TMEM117: variants seen among roughly 807,000 people sequenced by gnomAD.
TMEM117 encodes transmembrane protein 117.
A neutral mutation model predicts 52.4 loss-of-function variants in TMEM117; 27 were observed. That is an observed-to-expected ratio of 0.51 (90% CI 0.38 to 0.71). The LOEUF (loss-of-function observed/expected upper bound fraction) is 0.71, where lower values mean the gene tolerates loss of function less well. TMEM117 is among the 30% of genes least tolerant of loss of function. TMEM117 has a pLI of 0.00. For synonymous variants in TMEM117, 215 were observed against 206.3 expected (o/e 1.04, Z -0.36); for missense variants, 556 against 630.5 (o/e 0.88, Z 1.26).
intron 6 of TMEM117, among the ~76,000 whole-genome samples, chr12:44,318,623 A>G (rs1471113809): frequency 6.6e-6 from 1 of 152,176 alleles, no homozygotes; most frequent in African/African-American, 2.4e-5. Context: ...CTGGTAATCC[A>G]GAAGAGCAGG....
rs554854737 is a variant in TMEM117, at chr12:43,901,765, A to G, written c.278-42445A>G. ...GATGAAGCACCTGAAGGCATTTTTA[A>G]GGTCTCTATTTCAAAAAGAAAGGAA... On this transcript the variant is annotated intron_variant, in intron 2 of 7. Coordinates refer to ENST00000266534, the MANE Select transcript of TMEM117 (RefSeq NM_032256.3). Among the ~76,000 whole-genome samples the G allele has an allele frequency of 1.1e-4, 16 of 152,332 alleles. No homozygotes were observed. In the South Asian group the frequency reaches 3.3e-3, roughly 32 times the overall value.
chr12:44,211,481 T>C (rs1475265482), intron 5 of TMEM117, 94 bp downstream of exon 5: 5 of 812,444 alleles, frequency 6.2e-6, no homozygotes, highest in African/African-American at 1.8e-5. Context: ...TAGAATTCTA[T>C]CTAGAGGGAC....
At chr12:44,211,976 C>T (rs76529886) in intron 5 of TMEM117, among the ~76,000 whole-genome samples, 5 of 152,168 alleles carry the variant, frequency 3.3e-5, no homozygotes, top group African/African-American at 4.8e-5. Flanking sequence ...GGCACTTTCA[C>T]GTGGCTGTGG....
At chr12:44,332,476 G>T (rs545282370) in intron 6 of TMEM117, among the ~76,000 whole-genome samples, 2 of 152,050 alleles carry the variant, frequency 1.3e-5, no homozygotes, top group East Asian at 3.9e-4. Flanking sequence ...ATAATAATAT[G>T]ACCACTGATA....
the TMEM117 span, chr12:43,805,570 T>TA: frequency 1.6e-3 from 747 of 462,076 alleles, 4 homozygotes; most frequent in African/African-American, 0.014. Context: ...AGGTCAGATA[T>TA]AACTGCATAT....
At chr12:44,100,606 G>T (rs1947844947) in intron 3 of TMEM117, among the ~76,000 whole-genome samples, 1 of 151,964 alleles carries the variant, frequency 6.6e-6, no homozygotes, top group Non-Finnish European at 1.5e-5. Context: ...TCTTTTGTCT[G>T]TAACATCCCC....
chr12:43,835,273 G>T (rs1943008847), upstream of TMEM117, among the ~76,000 whole-genome samples: 1 of 152,190 alleles, frequency 6.6e-6, no homozygotes. Context: ...CCTGCCCTAT[G>T]CCGCAGAGGT....
At chr12:43,872,165 G>A (rs187166114) in intron 2 of TMEM117, among the ~76,000 whole-genome samples, 1 of 152,264 alleles carries the variant, frequency 6.6e-6, no homozygotes, top group Admixed American at 6.5e-5. Flanking sequence ...GTCTATTCCT[G>A]CCTTTTTAGC....
At chr12:44,168,335 T>C (rs1184776386) in intron 4 of TMEM117, among the ~76,000 whole-genome samples, 1 of 152,060 alleles carries the variant, frequency 6.6e-6, no homozygotes, top group Non-Finnish European at 1.5e-5. Context: ...CTCCCCCAAA[T>C]ATTGTTTTAT....
chr12:43,946,149 A>G (rs1000720277), intron 3 of TMEM117, among the ~76,000 whole-genome samples: 1 of 152,184 alleles, frequency 6.6e-6, no homozygotes, highest in South Asian at 2.1e-4. Context: ...TAGTCAGAAT[A>G]TGTCTCAGCC....
chr12:43,861,099 C>T (rs1943481232), intron 2 of TMEM117, among the ~76,000 whole-genome samples: 1 of 152,132 alleles, frequency 6.6e-6, no homozygotes, highest in Non-Finnish European at 1.5e-5. Context: ...CTTCTCTGTG[C>T]CTGTTCCCCA....
At chr12:44,299,764 T>G (rs1225953866) in intron 6 of TMEM117, 25 bp downstream of exon 6, 1 of 1,612,794 alleles carries the variant, frequency 6.2e-7, no homozygotes, top group African/African-American at 1.3e-5. Flanking sequence ...CTCCCCTCAG[T>G]GAAGCTGCTG....
chr12:44,056,917 G>T (rs1275060572), intron 3 of TMEM117, among the ~76,000 whole-genome samples: 1 of 152,150 alleles, frequency 6.6e-6, no homozygotes, highest in Non-Finnish European at 1.5e-5. Context: ...GAACAGATGT[G>T]AGCAGGCACC....
At chr12:44,055,760 T>C (rs1947044811) in intron 3 of TMEM117, among the ~76,000 whole-genome samples, 1 of 152,232 alleles carries the variant, frequency 6.6e-6, no homozygotes, top group Admixed American at 6.5e-5. Context: ...GAATAAGATA[T>C]ACACAGTCTC....
intron 3 of TMEM117, among the ~76,000 whole-genome samples, chr12:44,034,859 G>A (rs1370098922): frequency 6.6e-6 from 1 of 152,136 alleles, no homozygotes; most frequent in African/African-American, 2.4e-5. Flanking sequence ...TGAATCAGTG[G>A]ACTCAGTAAA....
chr12:43,911,945 C>T (rs1169189277), intron 2 of TMEM117, among the ~76,000 whole-genome samples: 2 of 125,576 alleles, frequency 1.6e-5, no homozygotes, highest in Non-Finnish European at 3.5e-5. Context: ...GTGGCGATTC[C>T]TCAGGGATCT....
At chr12:44,292,889 A>T (rs1287690343) in intron 5 of TMEM117, among the ~76,000 whole-genome samples, 1 of 152,042 alleles carries the variant, frequency 6.6e-6, no homozygotes. Flanking sequence ...GCTGGAGAAG[A>T]AGGTTCATTT....
chr12:43,849,449 C>T (rs1943267866), intron 2 of TMEM117, among the ~76,000 whole-genome samples: 1 of 152,168 alleles, frequency 6.6e-6, no homozygotes, highest in African/African-American at 2.4e-5. Flanking sequence ...GTAATTGCAA[C>T]ATTTTGTTAA....
chr12:44,054,220 A>G (rs1237493803), intron 3 of TMEM117, among the ~76,000 whole-genome samples: 1 of 152,188 alleles, frequency 6.6e-6, no homozygotes, highest in Non-Finnish European at 1.5e-5. Context: ...GAAGGTTTGT[A>G]CTTACAATCT....
Sources: gnomAD v4.1 joint callset for allele counts (sites outside exome capture counted in the v4.1 genomes callset) on GRCh38, gnomAD v4.1.1 for gene constraint, MANE v1.5 for transcripts, NCBI Gene and HGNC (gene_info 2026-07-23, HGNC 2026-07-21) for gene names.